C11orf65: variants seen among roughly 807,000 people sequenced by gnomAD.
C11orf65 encodes protein MFI.
In C11orf65, 38 loss-of-function variants were observed where a neutral mutation model predicts 35.3. That is an observed-to-expected ratio of 1.08 (90% CI 0.83 to 1.41). The LOEUF is 1.41. Among genes scored for constraint, C11orf65 ranks in the 40% most tolerant of loss-of-function variants. C11orf65 has a pLI of 0.00. For missense variants in C11orf65, 370 were observed against 367.1 expected (o/e 1.01, Z -0.06); for synonymous variants, 105 against 114.4 (o/e 0.92, Z 0.53).
At chr11:108,415,515 A>T (rs2092717114) in intron 3 of C11orf65, among the ~76,000 whole-genome samples, 1 of 152,216 alleles carries the variant, frequency 6.6e-6, no homozygotes, top group Admixed American at 6.5e-5. Context: ...CAATATTGTC[A>T]AGATGTCTGT....
chr11:108,317,638 TATATATATATATATACAC>T (rs2084828287), intron 6 of C11orf65: 4 of 176,210 alleles, frequency 2.3e-5, no homozygotes, highest in South Asian at 2.7e-4. Flanking sequence ...TATATATATA[TATATATATATATATACAC>T]ACACACACAC....
At chr11:108,462,536 A>T (rs1477972481) in intron 1 of C11orf65, 1 of 152,198 alleles carries the variant, frequency 6.6e-6, no homozygotes, top group Non-Finnish European at 1.5e-5. Context: ...AAAGTCCATG[A>T]CTTTTACATA....
chr11:108,359,133 A>G (rs2090399126), intron 2 of C11orf65, among the ~76,000 whole-genome samples: 1 of 150,536 alleles, frequency 6.6e-6, no homozygotes, highest in African/African-American at 2.4e-5. Context: ...AAAAAAAGGC[A>G]GGGGTTGCAA....
chr11:108,341,289 G>A (rs988336991), intron 2 of C11orf65, among the ~76,000 whole-genome samples: 1 of 151,966 alleles, frequency 6.6e-6, no homozygotes, highest in Non-Finnish European at 1.5e-5. Flanking sequence ...CTTCATTCAG[G>A]CTTCTGCTGC....
intron 2 of C11orf65, among the ~76,000 whole-genome samples, chr11:108,433,491 G>C (rs556120648): frequency 1.3e-5 from 2 of 152,008 alleles, no homozygotes; most frequent in African/African-American, 4.8e-5. Flanking sequence ...GAGGCAGGAG[G>C]ATGGTGTGAA....
intron 3 of C11orf65, chr11:108,332,705 G>A: frequency 6.4e-7 from 1 of 1,564,682 alleles, no homozygotes; most frequent in Non-Finnish European, 8.7e-7. Flanking sequence ...TTCTAACTCT[G>A]AGAAGTTTAA....
rs1008679012 is a variant in C11orf65, at chr11:108,357,665, G to A, written c.227-22373C>T. On this transcript the variant is annotated intron_variant, in intron 2 of 3. Transcript: ENST00000524755. ...GACCCCCGAGCAGCCTAACTGGGAGGCACCCCCCAGCAGGGGCACACTGAC... is the reference window on the plus strand; with the variant it reads ...GACCCCCGAGCAGCCTAACTGGGAGACACCCCCCAGCAGGGGCACACTGAC... Among the ~76,000 whole-genome samples, 1,124 of 152,198 alleles carry A rather than the reference G, an allele frequency of 7.4e-3. 29 individuals are homozygous for A. The highest frequency in any genetic ancestry group is 0.056 in the Admixed American group (852 of 15,284).
At chr11:108,459,567 T>C (rs1174179809) in intron 2 of C11orf65, among the ~76,000 whole-genome samples, 1 of 152,196 alleles carries the variant, frequency 6.6e-6, no homozygotes, top group Non-Finnish European at 1.5e-5. Context: ...TTCTACAGTT[T>C]TTCCAAAGGA....
intron 2 of C11orf65, chr11:108,335,915 G>GA (rs1162534390): frequency 6.2e-7 from 1 of 1,613,894 alleles, no homozygotes; most frequent in Non-Finnish European, 8.5e-7. Flanking sequence ...TTACTGCAGA[G>GA]AAACACGGAA....
chr11:108,390,391 GA>G (rs1178975514), intron 7 of C11orf65, among the ~76,000 whole-genome samples: 1 of 152,188 alleles, frequency 6.6e-6, no homozygotes, highest in Non-Finnish European at 1.5e-5. Flanking sequence ...TGATGGCGGG[GA>G]AAGTCTTATG....
At chr11:108,433,536 C>T (rs897730345) in intron 2 of C11orf65, among the ~76,000 whole-genome samples, 1 of 151,998 alleles carries the variant, frequency 6.6e-6, no homozygotes, top group South Asian at 2.1e-4. Context: ...GCAGAGATCA[C>T]GCCACTGCAC....
rs368053978 is a variant in C11orf65 at position 108,359,748 on chromosome 11, C to T, written c.227-24456G>A. Among the ~76,000 whole-genome samples the T allele has an allele frequency of 3.3e-5, 5 of 152,054 alleles. No homozygotes were observed. In the South Asian group the frequency reaches 6.2e-4, roughly 19 times the overall value. ...AAATAAAGATGTTCTTTGAAACCAA[C>T]GAGAACAAAGACACAACGTACCAGA... On this transcript the variant is annotated intron_variant, in intron 2 of 3. Transcript: ENST00000524755.
chr11:108,380,890 T>TA (rs1466494093), downstream of C11orf65, among the ~76,000 whole-genome samples: 1 of 152,224 alleles, frequency 6.6e-6, no homozygotes, highest in Non-Finnish European at 1.5e-5. Flanking sequence ...TAAGGACCTA[T>TA]AAAATGCATG....
At chr11:108,379,616 T>TA (rs1350953084), downstream of C11orf65, among the ~76,000 whole-genome samples, 1 of 151,424 alleles carries the variant, frequency 6.6e-6, no homozygotes, top group African/African-American at 2.4e-5. Flanking sequence ...CCCTAAAACT[T>TA]AAAGTATAAT....
At chr11:108,373,791 C>T (rs590972) in intron 2 of C11orf65, among the ~76,000 whole-genome samples, 42,788 of 152,114 alleles carry the variant, frequency 0.28, 7,218 homozygotes, top group Middle Eastern at 0.54. Context: ...GGGTGACAGA[C>T]GGCACCTGGA....
chr11:108,378,075 C>T (rs1462755603), downstream of C11orf65, among the ~76,000 whole-genome samples: 7 of 151,760 alleles, frequency 4.6e-5, no homozygotes, highest in African/African-American at 1.7e-4. Flanking sequence ...TTTATAGATT[C>T]AATGCCATCC....
chr11:108,460,850 C>T (rs540664375), intron 2 of C11orf65, among the ~76,000 whole-genome samples: 8 of 152,082 alleles, frequency 5.3e-5, no homozygotes, highest in African/African-American at 1.9e-4. Flanking sequence ...CTCAGCCTCC[C>T]GTGTAGCTGG....
In C11orf65 at chr11:108,456,534, C is replaced by T. The variant is rs987262628; in HGVS notation, c.81+4945G>A. On this transcript the variant is annotated intron_variant, in intron 2 of 8. Transcript: ENST00000393084. ...TGGTGGCTCACCTCTGTAATCTCAG[C>T]ACTTTCGGAGGCCAAGGTGGGAGGA... 3.3e-5 allele frequency among the ~76,000 whole-genome samples: 5 copies of T among 152,112 alleles called. No homozygotes were observed. The East Asian group carries it at 7.8e-4, about 24-fold the overall frequency.
rs757243222 is a variant in C11orf65 at position 108,325,518 on chromosome 11, C to T, written c.641-16447G>A. The T allele has an allele frequency of 1.2e-6, 2 of 1,610,714 alleles. No homozygotes were observed. The highest frequency in any genetic ancestry group is 1.7e-6 in the Non-Finnish European group (2 of 1,178,054). ...CAAACACCTTGTAGAACTCTCTATA[C>T]TGGCCAGAACTTTCAAGAACACTCA... On this transcript the variant is annotated intron_variant, in intron 6 of 6. Transcript: ENST00000525729.
Sources: gnomAD v4.1 joint callset for allele counts (sites outside exome capture counted in the v4.1 genomes callset) on GRCh38, gnomAD v4.1.1 for gene constraint, MANE v1.5 for transcripts, NCBI Gene and HGNC (gene_info 2026-07-23, HGNC 2026-07-21) for gene names.